The following PRELID2 variants were observed in gnomAD, a reference collection of about 807,000 sequenced individuals.
PRELID2 encodes the protein PRELI domain-containing protein 2.
PRELID2 carries 25 observed loss-of-function variants against 28.4 expected under a neutral mutation model. The observed-to-expected ratio is 0.88, with a 90% CI of 0.64 to 1.23. The LOEUF (loss-of-function observed/expected upper bound fraction) is 1.23, where lower values mean the gene tolerates loss of function less well. Among genes scored for constraint, PRELID2 ranks in the 50% most tolerant of loss-of-function variants. The pLI is 0.00. For missense variants in PRELID2, 201 were observed against 214.4 expected, an observed-to-expected ratio of 0.94 and a Z score of 0.39; for synonymous variants, 76 against 71.6, an observed-to-expected ratio of 1.06 and a Z score of -0.31.
At chr5:145,456,111 T>C in the PRELID2 span, among the ~76,000 whole-genome samples, 1 of 152,188 alleles carries the variant, frequency 6.6e-6, no homozygotes, top group Non-Finnish European at 1.5e-5. Flanking sequence ...CTACTAAAGG[T>C]GACTGGTCTG....
rs138273036 is a variant in PRELID2, at chr5:145,506,127, GA to G, written n.71-32813del. Among the ~76,000 whole-genome samples the G allele has an allele frequency of 3.9e-5, 6 of 152,164 alleles. No individual in the cohort carries two copies. In the East Asian group the frequency reaches 9.7e-4, roughly 25 times the overall value. On this transcript the variant is annotated intron_variant and non_coding_transcript_variant, in intron 1 of 2. Transcript: ENST00000510259. ...ATGCTAAATGTTCTTGCTACAATTAGAAAAATTAAATTTAAAAGAAAATTAT... is the reference window on the plus strand; with the variant it reads ...ATGCTAAATGTTCTTGCTACAATTAGAAAATTAAATTTAAAAGAAAATTAT...
At chr5:145,793,555 T>C (rs1047063375) in intron 5 of PRELID2, among the ~76,000 whole-genome samples, 1 of 152,070 alleles carries the variant, frequency 6.6e-6, no homozygotes, top group African/African-American at 2.4e-5. Context: ...AAAAAGCTAA[T>C]TAAACGTGGC....
At chr5:145,817,220 AATAT>A (rs1188735131) in intron 4 of PRELID2, among the ~76,000 whole-genome samples, 5 of 66,508 alleles carry the variant, frequency 7.5e-5, no homozygotes, top group African/African-American at 1.6e-4. Context: ...AATAAAAAAA[AATAT>A]ATATATATAT....
At chr5:145,394,945 T>C in the PRELID2 span, among the ~76,000 whole-genome samples, 1 of 152,174 alleles carries the variant, frequency 6.6e-6, no homozygotes, top group Non-Finnish European at 1.5e-5. Context: ...GCCATCATCA[T>C]CATGGTTATT....
intron 1 of PRELID2, among the ~76,000 whole-genome samples, chr5:145,660,197 CA>C (rs1754466495): frequency 1.3e-5 from 2 of 152,184 alleles, no homozygotes; most frequent in African/African-American, 4.8e-5. Flanking sequence ...TGGAGGACAG[CA>C]CAGTGGTTAA....
At chr5:145,387,700 GGT>G in the PRELID2 span, among the ~76,000 whole-genome samples, 2 of 152,118 alleles carry the variant, frequency 1.3e-5, no homozygotes, top group Non-Finnish European at 2.9e-5. Flanking sequence ...GGGAGGCCAA[GGT>G]GGGAGGATTG....
chr5:145,502,494 T>C (rs189895776), intron 1 of PRELID2, among the ~76,000 whole-genome samples: 248 of 152,226 alleles, frequency 1.6e-3, no homozygotes, highest in African/African-American at 5.6e-3. Context: ...AGAAGCTATA[T>C]GAAAGGGGAG....
At chr5:145,662,645 A>C (rs1440027353) in intron 1 of PRELID2, among the ~76,000 whole-genome samples, 1 of 152,056 alleles carries the variant, frequency 6.6e-6, no homozygotes, top group Non-Finnish European at 1.5e-5. Flanking sequence ...TTAATGGATT[A>C]ATGGGTTGTC....
chr5:145,435,164 T>C, the PRELID2 span, among the ~76,000 whole-genome samples: 1 of 152,130 alleles, frequency 6.6e-6, no homozygotes, highest in Non-Finnish European at 1.5e-5. Flanking sequence ...ATAGGCAGTA[T>C]ACAAATAAAC....
rs149785119 is a variant in PRELID2, at chr5:145,686,660, A to C, written n.70+78271T>G. Among the ~76,000 whole-genome samples the C allele has an allele frequency of 3.8e-3, 573 of 152,346 alleles. 4 individuals are homozygous for C. The highest frequency in any genetic ancestry group is 3.5e-3 in the Non-Finnish European group (237 of 68,032). ...TTAAAATGTACTTGTGGTCCCATTC[A>C]TGAAACGGGAAGCAGACCATGGGCT... On this transcript the variant is annotated intron_variant and non_coding_transcript_variant, in intron 1 of 2. Coordinates refer to the PRELID2 transcript ENST00000510259.
In PRELID2 at chr5:145,817,946, C is replaced by A; in HGVS notation, c.316G>T (p.Ala106Ser). 2 of 1,596,890 alleles carry A rather than the reference C, an allele frequency of 1.3e-6. No individual in the cohort carries two copies. Among genetic ancestry groups the A allele is most frequent in the South Asian group, 1.1e-5 (1 of 87,618 alleles). The change falls in exon 4 of 7, where the codon GCA becomes TCA. Residue 106 changes from alanine (A) to serine (S), a missense_variant. Coordinates refer to ENST00000683046, the MANE Select transcript of PRELID2 (RefSeq NM_205846.3). Reference protein sequence around the residue: ...RSHCLTWTQYASMKEESVFRE... With the variant: ...RSHCLTWTQYSSMKEESVFRE... ...AAGACAGACTCTTCCTTCATGGATG[C>A]ATACTGTGTCCACGTAAGGCAGTGA...
downstream of PRELID2, among the ~76,000 whole-genome samples, chr5:145,470,549 T>C (rs1349029840): frequency 6.6e-6 from 1 of 152,070 alleles, no homozygotes; most frequent in Non-Finnish European, 1.5e-5. Context: ...AAATGAGACA[T>C]AAAGAGTTGC....
At chr5:145,255,483 G>T in the PRELID2 span, among the ~76,000 whole-genome samples, 2 of 152,044 alleles carry the variant, frequency 1.3e-5, no homozygotes, top group East Asian at 1.9e-4. Context: ...ACAGTGAAAA[G>T]AAATTATTGG....
At chr5:145,343,695 CA>C in the PRELID2 span, among the ~76,000 whole-genome samples, 1 of 150,048 alleles carries the variant, frequency 6.7e-6, no homozygotes, top group Non-Finnish European at 1.5e-5. Flanking sequence ...AAATAGAGAC[CA>C]AAAAATACAA....
At chr5:145,316,022 A>G in the PRELID2 span, among the ~76,000 whole-genome samples, 2 of 152,298 alleles carry the variant, frequency 1.3e-5, no homozygotes, top group African/African-American at 4.8e-5. Flanking sequence ...TATGATGGAA[A>G]TACTATATAA....
chr5:145,522,849 A>G (rs189638350), intron 1 of PRELID2, among the ~76,000 whole-genome samples: 2 of 152,088 alleles, frequency 1.3e-5, no homozygotes, highest in African/African-American at 4.8e-5. Context: ...GGAGGAAGAG[A>G]AAAAGAAGAA....
chr5:145,649,239 C>T (rs1754247385), intron 1 of PRELID2, among the ~76,000 whole-genome samples: 1 of 152,116 alleles, frequency 6.6e-6, no homozygotes, highest in Non-Finnish European at 1.5e-5. Flanking sequence ...AAATACTATG[C>T]CATTTTATAT....
the PRELID2 span, among the ~76,000 whole-genome samples, chr5:145,271,377 A>G: frequency 6.2e-3 from 948 of 152,024 alleles, 19 homozygotes; most frequent in African/African-American, 0.022. Context: ...GGCATGTATT[A>G]CCATGCTGGG....
At chr5:145,781,850 A>C (rs944660804) in intron 5 of PRELID2, among the ~76,000 whole-genome samples, 2 of 151,286 alleles carry the variant, frequency 1.3e-5, no homozygotes, top group Non-Finnish European at 2.9e-5. Context: ...CCAGAGCTGT[A>C]GCAGCTTTCA....
Sources: allele counts gnomAD v4.1 joint callset (sites outside exome capture counted in the v4.1 genomes callset), GRCh38; gene constraint gnomAD v4.1.1; transcripts MANE v1.5; gene names NCBI Gene and HGNC (gene_info 2026-07-23, HGNC 2026-07-21).